The following NAV3 variants were observed in gnomAD, a reference collection of about 807,000 sequenced individuals.
NAV3 encodes pore membrane and/or filament interacting like protein 1.
A neutral mutation model predicts 244.7 loss-of-function variants in NAV3; 87 were observed. The ratio of observed to expected loss-of-function variants is 0.36; its 90% CI spans 0.30 to 0.42. The LOEUF is 0.42. NAV3 is among the 20% of genes least tolerant of loss of function. NAV3 has a pLI of 1.00. For missense variants in NAV3, 2,663 were observed against 2,893.3 expected (o/e 0.92, Z 1.83); for synonymous variants, 1,126 against 1,042.2 (o/e 1.08, Z -1.55).
chr12:78,157,807 G>A (rs1462175248), intron 22 of NAV3, among the ~76,000 whole-genome samples: 1 of 151,470 alleles, frequency 6.6e-6, no homozygotes, highest in African/African-American at 2.4e-5. Context: ...GAGAGAAGAG[G>A]GGGAGGAGAA....
chr12:77,784,782 T>C (rs2135926415), intron 2 of NAV3, among the ~76,000 whole-genome samples: 1 of 152,182 alleles, frequency 6.6e-6, no homozygotes, highest in Non-Finnish European at 1.5e-5. Flanking sequence ...GGAAGGACAA[T>C]ATAACTAATA....
At position 77,709,983 on chromosome 12, in the gene NAV3, C is replaced by A. The variant is rs150365624; in HGVS notation, c.72+137717C>A. ...AGCTATTATGGAATCATAAACTCTT[C>A]TAAAGTGGGTCTAATATGAGCATCA... On this transcript the variant is annotated intron_variant, in intron 2 of 8. Coordinates refer to the NAV3 transcript ENST00000550042. Among the ~76,000 whole-genome samples, 1,438 of 152,258 alleles carry A rather than the reference C, an allele frequency of 9.4e-3. 22 individuals carry two copies. Among genetic ancestry groups the A allele is most frequent in the Non-Finnish European group, 0.014 (957 of 68,014 alleles).
intron 2 of NAV3, among the ~76,000 whole-genome samples, chr12:77,614,185 A>G (rs1240223132): frequency 7.0e-6 from 1 of 142,360 alleles, no homozygotes; most frequent in Non-Finnish European, 1.5e-5. Flanking sequence ...TCTTAGCAGC[A>G]TCTCTGGCCA....
chr12:77,646,336 G>A (rs1242111346), intron 2 of NAV3, among the ~76,000 whole-genome samples: 1 of 152,136 alleles, frequency 6.6e-6, no homozygotes, highest in Non-Finnish European at 1.5e-5. Flanking sequence ...GTGCTTTACT[G>A]CCAGCACTGT....
intron 12 of NAV3, among the ~76,000 whole-genome samples, chr12:78,076,276 G>A (rs893644907): frequency 3.3e-5 from 5 of 152,058 alleles, no homozygotes; most frequent in East Asian, 3.9e-4. Flanking sequence ...GGTTTCCTTC[G>A]TATCTCTTAT....
intron 2 of NAV3, among the ~76,000 whole-genome samples, chr12:77,647,017 G>A (rs1019920074): frequency 2.0e-5 from 3 of 150,208 alleles, no homozygotes; most frequent in Non-Finnish European, 4.4e-5. Context: ...ATATATACAT[G>A]GACATACACA....
chr12:78,105,220 G>A (rs1160957081), intron 12 of NAV3, among the ~76,000 whole-genome samples: 14 of 151,938 alleles, frequency 9.2e-5, no homozygotes, highest in Non-Finnish European at 1.3e-4. Context: ...ATCCTTATTA[G>A]CATTTTATTA....
intron 5 of NAV3, among the ~76,000 whole-genome samples, chr12:77,971,915 C>T (rs1462974469): frequency 6.6e-6 from 1 of 152,124 alleles, no homozygotes; most frequent in African/African-American, 2.4e-5. Context: ...ATTTCCACAA[C>T]ATTTATTTTA....
intron 2 of NAV3, among the ~76,000 whole-genome samples, chr12:77,793,476 C>G (rs1292950444): frequency 6.6e-6 from 1 of 152,088 alleles, no homozygotes; most frequent in Non-Finnish European, 1.5e-5. Context: ...TCCACTTGCC[C>G]CCCACACCCT....
rs148932437 is a variant in NAV3 at position 78,177,238 on chromosome 12, C to T, written c.5222C>T (p.Pro1741Leu). Residue 1741 changes from proline (P) to leucine (L), a missense_variant, in exon 27 of 40, where the codon CCG becomes CTG. By Grantham distance (98) the Pro-to-Leu change is moderately conservative (BLOSUM62 -3). Transcript: ENST00000397909. ...GAAGAGCTTACTGATTCATCCCTTC[C>T]GGCATCCCCCAAGTTACCCCATAAT... ...DIEELTDSSL[P>L]ASPKLPHNAG... is the part of the protein sequence containing the mutation. 2.4e-5 allele frequency: 38 copies of T among 1,613,530 alleles called. No homozygotes were observed. The East Asian group carries it at 4.7e-4, about 20-fold the overall frequency.
At chr12:77,681,364 A>G (rs139717321) in intron 2 of NAV3, among the ~76,000 whole-genome samples, 96 of 152,328 alleles carry the variant, frequency 6.3e-4, no homozygotes, top group Non-Finnish European at 8.5e-4. Flanking sequence ...TAATTCTCCA[A>G]TATTCCCAGG....
At chr12:77,798,453 A>G (rs931618920) in intron 2 of NAV3, among the ~76,000 whole-genome samples, 3 of 152,114 alleles carry the variant, frequency 2.0e-5, no homozygotes, top group Admixed American at 1.3e-4. Flanking sequence ...AAAGTTGTAA[A>G]ACTTTATAGC....
At chr12:78,166,714 G>T (rs1055666862) in intron 23 of NAV3, among the ~76,000 whole-genome samples, 12 of 151,804 alleles carry the variant, frequency 7.9e-5, no homozygotes, top group Middle Eastern at 3.4e-3. Flanking sequence ...AACATTGCCT[G>T]AATGTTCTAC....
chr12:78,193,000 T>A (rs1191818587), intron 34 of NAV3, among the ~76,000 whole-genome samples: 1 of 151,112 alleles, frequency 6.6e-6, no homozygotes, highest in African/African-American at 2.4e-5. Flanking sequence ...CAGTGTAGAT[T>A]TACTGAAGTA....
chr12:77,607,289 A>G (rs1463510014), intron 2 of NAV3, among the ~76,000 whole-genome samples: 1 of 152,112 alleles, frequency 6.6e-6, no homozygotes, highest in Admixed American at 6.6e-5. Context: ...TTTAGGAAGA[A>G]TCTTCTACTA....
chr12:77,654,100 G>A (rs57707572), intron 2 of NAV3, among the ~76,000 whole-genome samples: 160 of 152,274 alleles, frequency 1.1e-3, no homozygotes, highest in African/African-American at 3.4e-3. Context: ...CCAGACAGTG[G>A]GCGCAGGTCA....
At chr12:77,951,414 G>T (rs1474526674) in intron 3 of NAV3, among the ~76,000 whole-genome samples, 1 of 152,144 alleles carries the variant, frequency 6.6e-6, no homozygotes, top group Admixed American at 6.6e-5. Context: ...AAAAAGTCAG[G>T]AAACAGCAGT....
chr12:78,151,806 C>T (rs1453796830), intron 22 of NAV3, among the ~76,000 whole-genome samples: 1 of 151,054 alleles, frequency 6.6e-6, no homozygotes, highest in African/African-American at 2.4e-5. Context: ...TTGGGGGAAA[C>T]TGGATGAAGG....
chr12:77,998,712 G>A (rs1457017029), intron 7 of NAV3, among the ~76,000 whole-genome samples: 1 of 152,072 alleles, frequency 6.6e-6, no homozygotes, highest in African/African-American at 2.4e-5. Flanking sequence ...TACAAATACT[G>A]TTTCTCAAAA....
Sources: gnomAD v4.1 joint callset for allele counts (sites outside exome capture counted in the v4.1 genomes callset) on GRCh38, gnomAD v4.1.1 for gene constraint, MANE v1.5 for transcripts, NCBI Gene and HGNC (gene_info 2026-07-23, HGNC 2026-07-21) for gene names.